IKZF2: variants seen among roughly 807,000 people sequenced by gnomAD.
IKZF2 encodes the protein IKAROS family zinc finger 2, also known as zinc finger protein Helios.
Under a neutral mutation model 49.2 loss-of-function variants are expected in IKZF2, and 15 were observed. The observed-to-expected ratio is 0.30, with a 90% CI of 0.20 to 0.47. The LOEUF (loss-of-function observed/expected upper bound fraction) is 0.47. IKZF2 is among the 20% of genes least tolerant of loss of function. The pLI, the probability that IKZF2 is intolerant of heterozygous loss-of-function variation, is 1.00. For missense variants in IKZF2, 567 were observed against 664.6 expected, an observed-to-expected ratio of 0.85 and a Z score of 1.61; for synonymous variants, 227 against 221.4, an observed-to-expected ratio of 1.03 and a Z score of -0.23.
intron 7 of IKZF2, 108 bp downstream of exon 7, chr2:213,021,885 A>T: frequency 8.5e-7 from 1 of 1,183,334 alleles, no homozygotes; most frequent in Non-Finnish European, 1.2e-6. Context: ...CAACTCATTT[A>T]AGTTAAAGTG....
rs138809531 is a variant in IKZF2 at position 213,006,359 on chromosome 2, G to A, written c.*1001C>T. 1,210 of 152,592 alleles carry A rather than the reference G, an allele frequency of 7.9e-3. 9 individuals are homozygous for A. The highest frequency in any genetic ancestry group is 0.013 in the Non-Finnish European group (901 of 67,966). The allele number at this position is 152,592 out of a possible 1,614,324, so 9.5% of individuals were successfully genotyped here. On this transcript the variant is annotated 3_prime_UTR_variant, in exon 9 of 9. Coordinates refer to ENST00000434687, the MANE Select transcript of IKZF2 (RefSeq NM_001387220.1). The stretch of plus-strand genomic sequence containing the variant: ...TCTAAGTGGGTTTTCTCCCCCTACT[G>A]TTAGCATAATTATATTTTTCTGCTG...
At chr2:213,020,464 G>A (rs187971485) in intron 7 of IKZF2, among the ~76,000 whole-genome samples, 14 of 151,962 alleles carry the variant, frequency 9.2e-5, no homozygotes, top group East Asian at 1.9e-4. Context: ...GGCAGACTCC[G>A]AGACGCACCA....
intron 4 of IKZF2, 70 bp from the exon 5 acceptor site, chr2:213,057,169 C>T: frequency 7.4e-7 from 1 of 1,348,332 alleles, no homozygotes; most frequent in Non-Finnish European, 1.0e-6. Flanking sequence ...CTCTTTTCTA[C>T]TCATTGTCAT....
In IKZF2 at chr2:213,075,437, C is replaced by T. The variant is rs1459357760; in HGVS notation, c.140-18338G>A. On this transcript the variant is annotated intron_variant, in intron 4 of 8. Transcript: ENST00000434687. The stretch of plus-strand genomic sequence containing the variant: ...AAATTCCAAGTACTTTCAAGTTATA[C>T]TCAGTAGAAAAAATATATATCTTAT... Among the ~76,000 whole-genome samples the T allele has an allele frequency of 5.3e-5, 8 of 152,210 alleles. 1 individual carries two copies. The highest frequency in any genetic ancestry group is 4.1e-4 in the South Asian group (2 of 4,822).
chr2:213,032,101 T>G (rs1005377310), intron 6 of IKZF2, among the ~76,000 whole-genome samples: 19 of 152,204 alleles, frequency 1.2e-4, no homozygotes, highest in African/African-American at 4.6e-4. Context: ...ATATATTTGA[T>G]ACTGTTTCAT....
chr2:213,025,246 T>C (rs1273823983), intron 6 of IKZF2, among the ~76,000 whole-genome samples: 1 of 152,164 alleles, frequency 6.6e-6, no homozygotes, highest in Non-Finnish European at 1.5e-5. Context: ...TCCCTTCAGA[T>C]ATTGTTCTCA....
intron 4 of IKZF2, among the ~76,000 whole-genome samples, chr2:213,111,283 G>A (rs2059695367): frequency 6.6e-6 from 1 of 151,908 alleles, no homozygotes; most frequent in Non-Finnish European, 1.5e-5. Flanking sequence ...AGTTTATCCT[G>A]AAGTTCAGTA....
intron 4 of IKZF2, among the ~76,000 whole-genome samples, chr2:213,099,801 G>A (rs959994936): frequency 2.6e-5 from 4 of 152,050 alleles, no homozygotes; most frequent in South Asian, 2.1e-4. Flanking sequence ...TCTCTAAAAT[G>A]AGGGTAATAA....
chr2:213,028,733 C>T (rs1698084651), intron 6 of IKZF2, among the ~76,000 whole-genome samples: 1 of 152,052 alleles, frequency 6.6e-6, no homozygotes, highest in Non-Finnish European at 1.5e-5. Context: ...ATTTGCATTA[C>T]CATGTTTATT....
chr2:213,000,448 G>T lies in IKZF2; in HGVS notation c.*6912C>A, dbSNP rs868803835. The T allele has an allele frequency of 6.6e-6, 1 of 151,268 alleles. No individual in the cohort carries two copies. The highest frequency in any genetic ancestry group is 1.5e-5 in the Non-Finnish European group (1 of 67,472). 9.4% of individuals were successfully genotyped at this position (151,268 alleles called of 1,614,324 possible). On this transcript the variant is annotated 3_prime_UTR_variant, in exon 9 of 9. Transcript: ENST00000434687. ...ATTACCTTTGGTATTGTTAAAGAAAGAATATCTAAAATGGCCAAGACACAT... is the reference window on the plus strand; with the variant it reads ...ATTACCTTTGGTATTGTTAAAGAAATAATATCTAAAATGGCCAAGACACAT...
intron 4 of IKZF2, among the ~76,000 whole-genome samples, chr2:213,079,188 G>C (rs1316915901): frequency 6.6e-6 from 1 of 151,938 alleles, no homozygotes; most frequent in African/African-American, 2.4e-5. Context: ...AGACGAGCCT[G>C]GGCAACATAG....
At chr2:213,122,180 C>A (rs920422702) in intron 4 of IKZF2, among the ~76,000 whole-genome samples, 4 of 152,190 alleles carry the variant, frequency 2.6e-5, no homozygotes, top group Non-Finnish European at 5.9e-5. Context: ...AGAAGAGCTA[C>A]AACTCTCCCT....
At chr2:213,059,429 T>C in intron 4 of IKZF2, among the ~76,000 whole-genome samples, 1 of 151,684 alleles carries the variant, frequency 6.6e-6, no homozygotes, top group East Asian at 1.9e-4. Flanking sequence ...TCTAAGTAAT[T>C]CTTCCATGGT....
At chr2:213,031,857 T>C (rs926128127) in intron 6 of IKZF2, among the ~76,000 whole-genome samples, 1 of 152,220 alleles carries the variant, frequency 6.6e-6, no homozygotes, top group Non-Finnish European at 1.5e-5. Context: ...ATACAACATG[T>C]ATTTACCAGC....
At chr2:213,056,656 G>T in intron 5 of IKZF2, 177 bp downstream of exon 5, 1 of 759,816 alleles carries the variant, frequency 1.3e-6, no homozygotes, top group Non-Finnish European at 2.3e-6. Flanking sequence ...AGATTTGAAG[G>T]CTGGAAGTCA....
At chr2:213,061,427 CA>C (rs956040979) in intron 4 of IKZF2, among the ~76,000 whole-genome samples, 6 of 150,682 alleles carry the variant, frequency 4.0e-5, no homozygotes, top group African/African-American at 1.5e-4. Context: ...CTATTAAAAA[CA>C]AATTAATTTA....
At chr2:213,149,786 C>CA (rs1553605759) in intron 2 of IKZF2, among the ~76,000 whole-genome samples, 42 of 129,808 alleles carry the variant, frequency 3.2e-4, no homozygotes, top group Middle Eastern at 3.7e-3. Flanking sequence ...TACCCCCCCC[C>CA]CAAAAAAAAA....
Position 213,059,779 on chromosome 2 carries a change from T to C in IKZF2, c.140-2680A>G, listed in dbSNP as rs559813015. 2.6e-5 allele frequency among the ~76,000 whole-genome samples: 4 copies of C among 151,616 alleles called. No individual in the cohort carries two copies. The South Asian group carries it at 6.2e-4, about 24-fold the overall frequency. On this transcript the variant is annotated intron_variant, in intron 4 of 8. Transcript: ENST00000434687. ...AAATTAAAACATAACATGAAACAGA[T>C]AAAAATGTGATTTTTAAAAGTGTGA... is the stretch of plus-strand genomic sequence containing the variant.
chr2:213,146,041 A>G (rs534401266), intron 4 of IKZF2, among the ~76,000 whole-genome samples: 2 of 152,168 alleles, frequency 1.3e-5, no homozygotes, highest in East Asian at 3.9e-4. Context: ...CCAATTAACC[A>G]CTTGACAAGC....
Sources: allele counts gnomAD v4.1 joint callset (sites outside exome capture counted in the v4.1 genomes callset), GRCh38; gene constraint gnomAD v4.1.1; transcripts MANE v1.5; gene names NCBI Gene and HGNC (gene_info 2026-07-23, HGNC 2026-07-21).